Variants in PDGFD observed in about 807,000 individuals in gnomAD.
PDGFD encodes platelet-derived growth factor D.
Under a neutral mutation model 44.7 loss-of-function variants are expected in PDGFD, and 30 were observed. That is an observed-to-expected ratio of 0.67 (90% confidence interval 0.50 to 0.91). The LOEUF (loss-of-function observed/expected upper bound fraction) is 0.91. Among genes scored for constraint, PDGFD ranks in the 40% least tolerant of loss-of-function variants. The pLI is 0.00. For synonymous variants in PDGFD, 173 were observed against 168.4 expected, an observed-to-expected ratio of 1.03 and a Z score of -0.21; for missense variants, 445 against 457.8, an observed-to-expected ratio of 0.97 and a Z score of 0.25.
chr11:104,105,035 G>T (rs1267245011), intron 1 of PDGFD, among the ~76,000 whole-genome samples: 1 of 152,162 alleles, frequency 6.6e-6, no homozygotes, highest in Non-Finnish European at 1.5e-5. Context: ...ACATTTATGT[G>T]AAACGTATGT....
intron 1 of PDGFD, among the ~76,000 whole-genome samples, chr11:104,080,649 G>T (rs1861032058): frequency 6.6e-6 from 1 of 152,172 alleles, no homozygotes; most frequent in Non-Finnish European, 1.5e-5. Context: ...CATGATCCTT[G>T]CTTACTTCTG....
At chr11:103,985,906 C>A (rs960987249) in intron 3 of PDGFD, among the ~76,000 whole-genome samples, 2 of 152,076 alleles carry the variant, frequency 1.3e-5, no homozygotes, top group Admixed American at 1.3e-4. Flanking sequence ...ATTAGCCGGG[C>A]CCAGCCAAGA....
chr11:104,074,459 G>A (rs1009239150), intron 1 of PDGFD, among the ~76,000 whole-genome samples: 1 of 152,154 alleles, frequency 6.6e-6, no homozygotes, highest in Non-Finnish European at 1.5e-5. Context: ...ATTTCCAACA[G>A]AGCTTTTTAA....
chr11:104,000,300 T>C, intron 1 of PDGFD, 45 bp from the exon 2 acceptor site: 1 of 1,505,264 alleles, frequency 6.6e-7, no homozygotes, highest in Non-Finnish European at 9.2e-7. Context: ...TTGCTCCAAT[T>C]ACAGGAAAGT....
At chr11:104,161,830 T>C (rs1483507) in intron 1 of PDGFD, among the ~76,000 whole-genome samples, 48,755 of 151,928 alleles carry the variant, frequency 0.32, 7,904 homozygotes, top group Middle Eastern at 0.37. Flanking sequence ...AATATTAACA[T>C]TTTTTACTCT....
At chr11:104,035,425 C>T (rs1191140253) in intron 1 of PDGFD, among the ~76,000 whole-genome samples, 1 of 152,062 alleles carries the variant, frequency 6.6e-6, no homozygotes, top group Non-Finnish European at 1.5e-5. Flanking sequence ...CTGGAAAAGC[C>T]TCCTGACTGG....
At chr11:104,090,566 T>C (rs1591158754) in intron 1 of PDGFD, among the ~76,000 whole-genome samples, 1 of 150,040 alleles carries the variant, frequency 6.7e-6, no homozygotes, top group African/African-American at 2.5e-5. Context: ...GAGGTGGAGG[T>C]TGCAGTGAGC....
chr11:104,116,788 C>T lies in PDGFD; in HGVS notation c.124+47016G>A, dbSNP rs531303086. On this transcript the variant is annotated intron_variant, in intron 1 of 6. Coordinates refer to ENST00000393158, the MANE Select transcript of PDGFD (RefSeq NM_025208.5). ...TTGAATCATAGGGGCCGGTCTTTCC[C>T]GTGGCATTTTCATGATAGTGAATAA... is the stretch of plus-strand genomic sequence containing the variant. Among the ~76,000 whole-genome samples, 27 of 151,978 alleles carry T rather than the reference C, an allele frequency of 1.8e-4. 1 individual carries two copies. Among genetic ancestry groups the T allele is most frequent in the Admixed American group, 1.3e-4 (2 of 15,200 alleles).
At chr11:104,114,635 C>T (rs554169775) in intron 1 of PDGFD, among the ~76,000 whole-genome samples, 2 of 152,000 alleles carry the variant, frequency 1.3e-5, no homozygotes, top group South Asian at 4.1e-4. Flanking sequence ...CCAAAAATAA[C>T]TTGTTGGGAT....
At chr11:104,068,911 T>C (rs548520744) in intron 1 of PDGFD, among the ~76,000 whole-genome samples, 43 of 152,256 alleles carry the variant, frequency 2.8e-4, no homozygotes, top group African/African-American at 1.0e-3. Context: ...CCCCTAAATA[T>C]TTCAGTGTGC....
rs116352989 is a variant in PDGFD at position 103,960,918 on chromosome 11, G to A, written c.511-13194C>T. ...CAAGGGCACTAATCACATCAAGATG[G>A]CTCCACCTTCATGTCTTATTTACCT... is the stretch of plus-strand genomic sequence containing the variant. On this transcript the variant is annotated intron_variant, in intron 3 of 6. Coordinates refer to ENST00000393158, the MANE Select transcript of PDGFD (RefSeq NM_025208.5). 4.4e-3 allele frequency among the ~76,000 whole-genome samples: 669 copies of A among 152,170 alleles called. 5 individuals carry two copies. Among genetic ancestry groups the A allele is most frequent in the African/African-American group, 0.015 (622 of 41,516 alleles).
intron 1 of PDGFD, among the ~76,000 whole-genome samples, chr11:104,054,905 G>A (rs1860597543): frequency 6.6e-6 from 1 of 152,190 alleles, no homozygotes. Flanking sequence ...CCAGCCTCAG[G>A]CGGAGCAATT....
chr11:104,004,872 C>CTTTTTTT lies in PDGFD; in HGVS notation c.125-4624_125-4618dup, dbSNP rs33979812. ...ACTTTGAGATAGGTATTATTACCACCTTTTTTTTTTTTTTTTTTTTTTTTG... is the reference window on the plus strand; with the variant it reads ...ACTTTGAGATAGGTATTATTACCACCTTTTTTTTTTTTTTTTTTTTTTTTTTTTTTTG... On this transcript the variant is annotated intron_variant, in intron 1 of 6. Coordinates refer to ENST00000393158, the MANE Select transcript of PDGFD (RefSeq NM_025208.5). Among the ~76,000 whole-genome samples, 29 of 71,892 alleles carry CTTTTTTT rather than the reference C, an allele frequency of 4.0e-4. 1 individual carries two copies. Among genetic ancestry groups the CTTTTTTT allele is most frequent in the Non-Finnish European group, 4.3e-4 (18 of 41,762 alleles). 47.2% of individuals were successfully genotyped at this position (71,892 alleles called of 152,430 possible).
intron 1 of PDGFD, among the ~76,000 whole-genome samples, chr11:104,083,109 A>G (rs1275274534): frequency 6.6e-6 from 1 of 152,216 alleles, no homozygotes; most frequent in African/African-American, 2.4e-5. Flanking sequence ...GTTTCATAAC[A>G]CATTGGTTTC....
chr11:104,061,222 CTAAG>C (rs141694838), intron 1 of PDGFD, among the ~76,000 whole-genome samples: 58,589 of 151,236 alleles, frequency 0.39, 11,528 homozygotes, highest in East Asian at 0.56. Context: ...CTTTATGACA[CTAAG>C]TAAGAAAATA....
At chr11:104,149,505 T>A (rs1591187387) in intron 1 of PDGFD, among the ~76,000 whole-genome samples, 1 of 152,138 alleles carries the variant, frequency 6.6e-6, no homozygotes, top group African/African-American at 2.4e-5. Flanking sequence ...TAGTGGTAGG[T>A]TAAGTCAAGG....
At chr11:104,059,578 C>T (rs923392015) in intron 1 of PDGFD, among the ~76,000 whole-genome samples, 1 of 152,166 alleles carries the variant, frequency 6.6e-6, no homozygotes, top group Non-Finnish European at 1.5e-5. Context: ...ATTTATTGAC[C>T]TTTTCCAATT....
intron 5 of PDGFD, among the ~76,000 whole-genome samples, chr11:103,939,499 A>G (rs2134320076): frequency 6.6e-6 from 1 of 152,292 alleles, no homozygotes; most frequent in East Asian, 1.9e-4. Context: ...TGTCATCTGC[A>G]AACAGGGACA....
chr11:104,115,185 T>C (rs1479902973), intron 1 of PDGFD, among the ~76,000 whole-genome samples: 1 of 151,490 alleles, frequency 6.6e-6, no homozygotes, highest in African/African-American at 2.4e-5. Context: ...CTTAGAGTAA[T>C]AGTCTCCAAT....
Sources: allele counts gnomAD v4.1 joint callset (sites outside exome capture counted in the v4.1 genomes callset), GRCh38; gene constraint gnomAD v4.1.1; transcripts MANE v1.5; gene names NCBI Gene and HGNC (gene_info 2026-07-23, HGNC 2026-07-21).